DRD2: variants seen among roughly 807,000 people sequenced by gnomAD.
The protein encoded by DRD2 is D(2) dopamine receptor.
Under a neutral mutation model 38.0 loss-of-function variants are expected in DRD2, and 8 were observed. That is an observed-to-expected ratio of 0.21 (90% confidence interval 0.12 to 0.38). DRD2 has a LOEUF of 0.38. Among genes scored for constraint, DRD2 ranks in the 10% least tolerant of loss-of-function variants. The pLI, the probability that DRD2 is intolerant of heterozygous loss-of-function variation, is 1.00. For synonymous variants in DRD2, 230 were observed against 238.6 expected (o/e 0.96, Z 0.33); for missense variants, 403 against 607.7 (o/e 0.66, Z 3.54).
At position 113,410,155 on chromosome 11, in the gene DRD2, C is replaced by T. The variant is rs199695073; in HGVS notation, c.*572G>A. 2.5e-4 allele frequency: 47 copies of T among 186,564 alleles called. No individual in the cohort carries two copies. Among genetic ancestry groups the T allele is most frequent in the Middle Eastern group, 2.4e-3 (1 of 424 alleles). The allele number at this position is 186,564 out of a possible 1,614,324, so 11.6% of individuals were successfully genotyped here. On this transcript the variant is annotated 3_prime_UTR_variant, in exon 8 of 8. Coordinates refer to ENST00000362072, the MANE Select transcript of DRD2 (RefSeq NM_000795.4). ...TAGCCTGGAAAGTAGAGGTCCACAT[C>T]GGGGTGCGGGAGGGAGCTAAGGTTT... is the stretch of plus-strand genomic sequence containing the variant.
At chr11:113,449,306 T>C (rs904402397) in intron 1 of DRD2, among the ~76,000 whole-genome samples, 11 of 152,120 alleles carry the variant, frequency 7.2e-5, no homozygotes, top group African/African-American at 2.7e-4. Context: ...TGTGCTCCCA[T>C]AGAGTCTGAT....
chr11:113,462,566 G>C (rs1951333474), intron 1 of DRD2, among the ~76,000 whole-genome samples: 1 of 152,164 alleles, frequency 6.6e-6, no homozygotes, highest in Non-Finnish European at 1.5e-5. Flanking sequence ...GAAGAGACAA[G>C]ACAGTATCCT....
chr11:113,418,202 G>A, intron 2 of DRD2, 66 bp from the exon 3 acceptor site: 3 of 1,351,876 alleles, frequency 2.2e-6, no homozygotes, highest in East Asian at 2.3e-5. Flanking sequence ...CCTGTAGCCT[G>A]GTACTCCTGG....
intron 1 of DRD2, among the ~76,000 whole-genome samples, chr11:113,446,671 T>C (rs1480449159): frequency 6.6e-6 from 1 of 152,248 alleles, no homozygotes; most frequent in Non-Finnish European, 1.5e-5. Flanking sequence ...GGAAATAGTT[T>C]ACCCATGTTG....
intron 3 of DRD2, among the ~76,000 whole-genome samples, 199 bp downstream of exon 3, chr11:113,417,828 G>T (rs1411432901): frequency 6.6e-6 from 1 of 152,164 alleles, no homozygotes; most frequent in East Asian, 1.9e-4. Context: ...GTCCATAGAT[G>T]GCTTCTCTTT....
chr11:113,427,197 A>G (rs1000958919), intron 1 of DRD2, among the ~76,000 whole-genome samples: 5 of 152,232 alleles, frequency 3.3e-5, no homozygotes, highest in Admixed American at 3.3e-4. Flanking sequence ...ACTACCTGGA[A>G]CATGCTTGAT....
chr11:113,452,693 G>T (rs1367559915), intron 1 of DRD2, among the ~76,000 whole-genome samples: 1 of 150,178 alleles, frequency 6.7e-6, no homozygotes, highest in African/African-American at 2.5e-5. Flanking sequence ...TGTTATCCAG[G>T]CTGGAGTGCA....
chr11:113,456,242 T>G (rs1410812206), intron 1 of DRD2, among the ~76,000 whole-genome samples: 2 of 152,200 alleles, frequency 1.3e-5, no homozygotes, highest in African/African-American at 2.4e-5. Context: ...GAATTTGAAC[T>G]CATAGAAGTA....
chr11:113,472,426 A>G (rs1411734810), intron 1 of DRD2, among the ~76,000 whole-genome samples: 3 of 152,214 alleles, frequency 2.0e-5, no homozygotes, highest in Non-Finnish European at 2.9e-5. Context: ...TTTGTTTCCC[A>G]TAGTATCAAA....
At chr11:113,454,457 A>T (rs1361083645) in intron 1 of DRD2, among the ~76,000 whole-genome samples, 1 of 152,120 alleles carries the variant, frequency 6.6e-6, no homozygotes, top group African/African-American at 2.4e-5. Flanking sequence ...CAGACTTGGG[A>T]CTTAAACTCA....
intron 1 of DRD2, among the ~76,000 whole-genome samples, chr11:113,463,687 T>C (rs1025248994): frequency 2.6e-5 from 4 of 152,162 alleles, no homozygotes; most frequent in African/African-American, 9.7e-5. Flanking sequence ...CTTTGTGCAG[T>C]GCAGCAGGCA....
At chr11:113,415,809 G>C (rs1950820281) in intron 4 of DRD2, among the ~76,000 whole-genome samples, 198 bp from the exon 5 acceptor site, 1 of 152,196 alleles carries the variant, frequency 6.6e-6, no homozygotes, top group Admixed American at 6.5e-5. Context: ...AAACACGGTT[G>C]TGAGCAAAAA....
chr11:113,446,364 T>C (rs189052498), intron 1 of DRD2, among the ~76,000 whole-genome samples: 29 of 152,326 alleles, frequency 1.9e-4, no homozygotes, highest in Non-Finnish European at 1.8e-4. Context: ...ACAGCAGTCA[T>C]AGTAACGGTA....
Position 113,410,349 on chromosome 11 carries a change from A to C in DRD2, c.*378T>G. ...CGCCTGCTCCACGCCAAGCCCCACAAAGAGAAAACTCAGCCTCTGGGCCCT... is the reference window on the plus strand; with the variant it reads ...CGCCTGCTCCACGCCAAGCCCCACACAGAGAAAACTCAGCCTCTGGGCCCT... On this transcript the variant is annotated 3_prime_UTR_variant, in exon 8 of 8. Coordinates refer to ENST00000362072, the MANE Select transcript of DRD2 (RefSeq NM_000795.4). 1 of 433,006 alleles carries C rather than the reference A, an allele frequency of 2.3e-6. No individual in the cohort carries two copies. Among genetic ancestry groups the C allele is most frequent in the Non-Finnish European group, 4.3e-6 (1 of 232,710 alleles). The allele number at this position is 433,006 out of a possible 1,614,324, so 26.8% of individuals were successfully genotyped here. A position where few individuals can be genotyped will look rare whatever the true frequency, so the allele number is the denominator to read the frequency against.
chr11:113,467,560 A>G (rs769827264), intron 1 of DRD2, among the ~76,000 whole-genome samples: 1 of 152,222 alleles, frequency 6.6e-6, no homozygotes, highest in Non-Finnish European at 1.5e-5. Context: ...GGAAAAGAAA[A>G]AAAGTCACCT....
chr11:113,411,605 CA>C (rs2138154556), intron 7 of DRD2: 1 of 152,642 alleles, frequency 6.6e-6, no homozygotes, highest in African/African-American at 2.4e-5. Flanking sequence ...GAATGCCCTA[CA>C]GGCACAGGAG....
chr11:113,465,969 C>T (rs541000878), intron 1 of DRD2, among the ~76,000 whole-genome samples: 15 of 152,254 alleles, frequency 9.9e-5, no homozygotes, highest in Admixed American at 5.9e-4. Flanking sequence ...ACTTTATGTG[C>T]GTGACTCATT....
chr11:113,433,772 T>C (rs1054413201), intron 1 of DRD2, among the ~76,000 whole-genome samples: 1 of 152,152 alleles, frequency 6.6e-6, no homozygotes, highest in Non-Finnish European at 1.5e-5. Context: ...GGGCCTTCTG[T>C]GGCCCAGCTT....
At chr11:113,448,301 C>A (rs907727348) in intron 1 of DRD2, among the ~76,000 whole-genome samples, 6 of 152,132 alleles carry the variant, frequency 3.9e-5, no homozygotes, top group African/African-American at 1.4e-4. Flanking sequence ...CTGGGGCAGC[C>A]GCTCCTTGGA....
Sources: allele counts gnomAD v4.1 joint callset (sites outside exome capture counted in the v4.1 genomes callset), GRCh38; gene constraint gnomAD v4.1.1; transcripts MANE v1.5; gene names NCBI Gene and HGNC (gene_info 2026-07-23, HGNC 2026-07-21).